The following EIF3H variants were observed in gnomAD, a reference collection of about 807,000 sequenced individuals.
The protein encoded by EIF3H is eukaryotic translation initiation factor 3 subunit H.
Under a neutral mutation model 44.2 loss-of-function variants are expected in EIF3H, and 26 were observed. That is an observed-to-expected ratio of 0.59 (90% CI 0.43 to 0.82). The LOEUF (loss-of-function observed/expected upper bound fraction) is 0.82. Ranked by LOEUF, EIF3H falls within the 40% of genes least tolerant of loss-of-function variation. The pLI, the probability that EIF3H is intolerant of heterozygous loss-of-function variation, is 0.00. For synonymous variants in EIF3H, 166 were observed against 151.9 expected (o/e 1.09, Z -0.68); for missense variants, 359 against 432.8 (o/e 0.83, Z 1.51).
intron 2 of EIF3H, among the ~76,000 whole-genome samples, chr8:116,703,904 G>A (rs1002685590): frequency 7.2e-5 from 11 of 152,178 alleles, no homozygotes; most frequent in Non-Finnish European, 1.5e-4. Context: ...CACAGGCCCA[G>A]TAGGGCTGGA....
At chr8:116,733,988 A>G (rs1814991324) in intron 1 of EIF3H, among the ~76,000 whole-genome samples, 1 of 152,210 alleles carries the variant, frequency 6.6e-6, no homozygotes, top group African/African-American at 2.4e-5. Context: ...ACAGATGGAT[A>G]ATCGTATCTG....
At position 116,701,331 on chromosome 8, in the gene EIF3H, C is replaced by A. The variant is rs117704086; in HGVS notation, c.289+24685G>T. Among the ~76,000 whole-genome samples the A allele has an allele frequency of 2.5e-4, 38 of 152,202 alleles. No homozygotes were observed. The East Asian group carries it at 7.2e-3, about 29-fold the overall frequency. ...TGAGCTCAGTGAGTATCCAGTCTAGCAGAAGTGAATAATAATTGATAAGAT... is the reference window on the plus strand; with the variant it reads ...TGAGCTCAGTGAGTATCCAGTCTAGAAGAAGTGAATAATAATTGATAAGAT... On this transcript the variant is annotated intron_variant, in intron 2 of 7. Coordinates refer to ENST00000521861, the MANE Select transcript of EIF3H (RefSeq NM_003756.3).
intron 1 of EIF3H, among the ~76,000 whole-genome samples, chr8:116,740,341 T>C (rs923927104): frequency 2.8e-4 from 42 of 152,210 alleles, no homozygotes; most frequent in Admixed American, 7.8e-4. Flanking sequence ...GGCATAAGAC[T>C]GTGGCAGTAG....
intron 7 of EIF3H, among the ~76,000 whole-genome samples, chr8:116,645,910 C>A (rs1158464156): frequency 6.6e-6 from 1 of 152,180 alleles, no homozygotes; most frequent in African/African-American, 2.4e-5. Context: ...TTTAACATTT[C>A]TATAAGATTA....
chr8:116,710,792 T>C (rs141457021), intron 2 of EIF3H, among the ~76,000 whole-genome samples: 3 of 152,310 alleles, frequency 2.0e-5, no homozygotes, highest in African/African-American at 7.2e-5. Flanking sequence ...AATTTTAAAC[T>C]TGGGCATCTC....
At chr8:116,657,522 ATAGAG>A (rs1315991212) in intron 3 of EIF3H, 3 of 540,744 alleles carry the variant, frequency 5.5e-6, no homozygotes, top group Non-Finnish European at 9.8e-6. Flanking sequence ...CCTACTTACA[ATAGAG>A]TAATTTCCTC....
chr8:116,681,230 G>C (rs1813983774), intron 2 of EIF3H, among the ~76,000 whole-genome samples: 1 of 152,062 alleles, frequency 6.6e-6, no homozygotes, highest in Admixed American at 6.5e-5. Context: ...AGGTGTGGTG[G>C]AGCACGCCTG....
At chr8:116,695,183 T>C (rs889887396) in intron 2 of EIF3H, among the ~76,000 whole-genome samples, 3 of 150,726 alleles carry the variant, frequency 2.0e-5, no homozygotes, top group African/African-American at 7.3e-5. Flanking sequence ...TTCTCGTGCC[T>C]CAGCCACCCA....
rs766934469 is a variant in EIF3H, at chr8:116,755,710, C to T, written c.88G>A (p.Gly30Ser). ...GAAGKGKGKG[G>S]SGDSAVKQVQ... ...TGCTTCACGGCTGAATCTCCCGAGC[C>T]GCCTTTGCCTTTGCCTTTCCCTGCT... The change falls in exon 1 of 8, where the codon GGC (glycine) becomes AGC (serine). Residue 30 changes from glycine to serine, a missense_variant. Gly to Ser is a moderately conservative substitution (Grantham distance 56). This residue lies in a region of EIF3H where 91 missense variants were observed against 164.6 expected (regional missense o/e 0.55). Coordinates refer to ENST00000521861, the MANE Select transcript of EIF3H (RefSeq NM_003756.3). 78 of 1,614,072 alleles carry T rather than the reference C, an allele frequency of 4.8e-5. No homozygotes were observed. Among genetic ancestry groups the T allele is most frequent in the Non-Finnish European group, 6.4e-5 (76 of 1,180,030 alleles).
rs986579391 is a variant in EIF3H at position 116,642,379 on chromosome 8, A to G, written c.*2627T>C. 16 of 152,284 alleles carry G rather than the reference A, an allele frequency of 1.1e-4. No individual in the cohort carries two copies. The highest frequency in any genetic ancestry group is 3.4e-4 in the African/African-American group (14 of 41,568). 9.4% of individuals were successfully genotyped at this position (152,284 alleles called of 1,614,324 possible). A position where few individuals can be genotyped will look rare whatever the true frequency, so the allele number is the denominator to read the frequency against. ...ACACCAAGCTCTCTTAATTAGGTTA[A>G]CATTAGACAACTACATCTCAATTTC... On this transcript the variant is annotated 3_prime_UTR_variant, in exon 8 of 8. Transcript: ENST00000521861.
chr8:116,705,003 A>G (rs1814442490), intron 2 of EIF3H, among the ~76,000 whole-genome samples: 1 of 152,222 alleles, frequency 6.6e-6, no homozygotes, highest in South Asian at 2.1e-4. Flanking sequence ...AACTATGCCA[A>G]TAACACTTTG....
intron 2 of EIF3H, among the ~76,000 whole-genome samples, chr8:116,689,316 T>G (rs957226488): frequency 6.6e-6 from 1 of 152,148 alleles, no homozygotes; most frequent in African/African-American, 2.4e-5. Flanking sequence ...CTGAAAATAC[T>G]CTAGAATTGA....
chr8:116,652,141 G>C (rs1277666022), intron 5 of EIF3H, among the ~76,000 whole-genome samples: 1 of 152,162 alleles, frequency 6.6e-6, no homozygotes, highest in African/African-American at 2.4e-5. Context: ...GAGAATGAGA[G>C]GAAACCCAGA....
At chr8:116,688,935 C>A in intron 2 of EIF3H, 1 of 283,036 alleles carries the variant, frequency 3.5e-6, no homozygotes, top group Non-Finnish European at 7.2e-6. Context: ...ACCATATGAC[C>A]CAGCAATTCC....
intron 2 of EIF3H, among the ~76,000 whole-genome samples, chr8:116,664,378 T>A (rs1043315833): frequency 1.6e-4 from 24 of 152,200 alleles, no homozygotes; most frequent in African/African-American, 5.6e-4. Context: ...GTTATATATA[T>A]CTGAAGTTGC....
In EIF3H at chr8:116,643,166, CAGG is replaced by C; in HGVS notation, c.*1837_*1839del. 1 of 152,344 alleles carries C rather than the reference CAGG, an allele frequency of 6.6e-6. No individual in the cohort carries two copies. The highest frequency in any genetic ancestry group is 2.1e-4 in the South Asian group (1 of 4,830). The allele number at this position is 152,344 out of a possible 1,614,324, so 9.4% of individuals were successfully genotyped here. A position where few individuals can be genotyped will look rare whatever the true frequency, so the allele number is the denominator to read the frequency against. On this transcript the variant is annotated 3_prime_UTR_variant, in exon 8 of 8. Coordinates refer to ENST00000521861, the MANE Select transcript of EIF3H (RefSeq NM_003756.3). ...CAACAGAGCATATACTCCACAAGGG[CAGG>C]GGCCATGGCCAGTTTTACCTGTTAA...
intron 1 of EIF3H, among the ~76,000 whole-genome samples, chr8:116,738,452 A>C (rs892889067): frequency 2.0e-5 from 3 of 152,158 alleles, no homozygotes; most frequent in African/African-American, 7.2e-5. Flanking sequence ...TGTGAATATC[A>C]CTGCACACAT....
intron 2 of EIF3H, among the ~76,000 whole-genome samples, chr8:116,704,482 T>C (rs1814434426): frequency 6.6e-6 from 1 of 152,226 alleles, no homozygotes; most frequent in Non-Finnish European, 1.5e-5. Flanking sequence ...AATGACCTTC[T>C]CTAGCTTAAA....
intron 2 of EIF3H, among the ~76,000 whole-genome samples, chr8:116,669,671 T>C (rs887419435): frequency 4.6e-5 from 7 of 152,224 alleles, no homozygotes; most frequent in East Asian, 1.9e-4. Flanking sequence ...TTTTAAAAAA[T>C]AGTATCAAAG....
Sources: allele counts gnomAD v4.1 joint callset (sites outside exome capture counted in the v4.1 genomes callset), GRCh38; gene constraint gnomAD v4.1.1; regional missense constraint gnomAD v4.1.1; transcripts MANE v1.5; gene names NCBI Gene and HGNC (gene_info 2026-07-23, HGNC 2026-07-21).